The following COL27A1 variants were observed in gnomAD, a reference collection of about 807,000 sequenced individuals.
COL27A1 encodes collagen type XXVII alpha 1 chain, also known as collagen alpha-1(XXVII) chain.
COL27A1 carries 106 observed loss-of-function variants against 251.3 expected under a neutral mutation model. The observed-to-expected ratio is 0.42, with a 90% confidence interval of 0.36 to 0.50. The LOEUF is 0.50. Ranked by LOEUF, COL27A1 falls within the 20% of genes least tolerant of loss-of-function variation. The pLI is 0.00. For missense variants in COL27A1, 2,325 were observed against 2,522.8 expected (o/e 0.92, Z 1.68); for synonymous variants, 1,000 against 986.3 (o/e 1.01, Z -0.26).
chr9:114,195,910 G>A lies in COL27A1; in HGVS notation c.2071-49G>A, dbSNP rs201220793. ...TCCAATTTGTAGAGTGTAGCAGAGT[G>A]TCTCTGCTCCCGTTTTCCTGCCTCA... On this transcript the variant is annotated intron_variant, in intron 6 of 60. Coordinates refer to ENST00000356083, the MANE Select transcript of COL27A1 (RefSeq NM_032888.4). 2.1e-5 allele frequency: 28 copies of A among 1,328,748 alleles called. No individual in the cohort carries two copies. The East Asian group carries it at 5.5e-4, about 26-fold the overall frequency. 82.3% of individuals were successfully genotyped at this position (1,328,748 alleles called of 1,614,324 possible). A position where few individuals can be genotyped will look rare whatever the true frequency, so the allele number is the denominator to read the frequency against.
In COL27A1 at chr9:114,275,746, C is replaced by G. The variant is rs576652277; in HGVS notation, c.3695C>G (p.Pro1232Arg). 1 of 1,548,638 alleles carries G rather than the reference C, an allele frequency of 6.5e-7. No individual in the cohort carries two copies. The highest frequency in any genetic ancestry group is 2.4e-5 in the East Asian group (1 of 40,898). The change falls in exon 37 of 61, where the codon CCC (proline) becomes CGC (arginine). Residue 1232 changes from proline to arginine, a missense_variant. Coordinates refer to ENST00000356083, the MANE Select transcript of COL27A1 (RefSeq NM_032888.4). The stretch of plus-strand genomic sequence containing the variant: ...ATGGGTGAGGACGGGCCCCCCGGCC[C>G]CCCTGGCGTCACTGGTGTCCGGGTG... Reference protein sequence around the residue: ...GLMGEDGPPGPPGVTGVRGPE... With the variant: ...GLMGEDGPPGRPGVTGVRGPE...
At chr9:114,291,305 A>G (rs546282415) in intron 48 of COL27A1, among the ~76,000 whole-genome samples, 2 of 152,320 alleles carry the variant, frequency 1.3e-5, no homozygotes, top group East Asian at 3.9e-4. Context: ...CAAGGGCTGG[A>G]CACTGAAGGG....
Position 114,245,145 on chromosome 9 carries a change from C to CTTGTT in COL27A1, c.2935-718_2935-714dup, listed in dbSNP as rs1304756994. Among the ~76,000 whole-genome samples the CTTGTT allele has an allele frequency of 2.1e-3, 153 of 74,348 alleles. 4 individuals are homozygous for CTTGTT. The highest frequency in any genetic ancestry group is 9.8e-3 in the African/African-American group (149 of 15,168). The allele number at this position is 74,348 out of a possible 152,430, so 48.8% of individuals were successfully genotyped here. ...GCCTGATGCAGTGGGAATGTGCATT[C>CTTGTT]TTGTTTTTTTTTTTTTTTTTTTTTT... On this transcript the variant is annotated intron_variant, in intron 23 of 60. Transcript: ENST00000356083.
Position 114,284,730 on chromosome 9 carries a change from A to C in COL27A1, c.3940A>C (p.Lys1314Gln). The change falls in exon 41 of 61, where the codon AAA becomes CAA. Residue 1314 changes from lysine (K) to glutamine (Q), a missense_variant. Transcript: ENST00000356083. ...EPGLAGYDGH[K>Q]GIVGPLGPPG... ...CCTTCTTGTTTGCCTGCAGGGACAC[A>C]AAGGCATTGTGGGACCCCTTGGACC... 2 of 1,614,194 alleles carry C rather than the reference A, an allele frequency of 1.2e-6. No individual in the cohort carries two copies. Among genetic ancestry groups the C allele is most frequent in the South Asian group, 1.1e-5 (1 of 91,082 alleles).
intron 43 of COL27A1, 46 bp downstream of exon 43, chr9:114,288,801 G>A (rs1171154126): frequency 5.0e-6 from 8 of 1,602,858 alleles, no homozygotes; most frequent in Non-Finnish European, 6.8e-6. Context: ...GGCATGTCAG[G>A]GAGAGGGGGG....
intron 16 of COL27A1, among the ~76,000 whole-genome samples, chr9:114,235,375 A>T (rs2135451774): frequency 6.6e-6 from 1 of 152,326 alleles, no homozygotes; most frequent in East Asian, 1.9e-4. Context: ...ATTTTCAGCC[A>T]TCCGAGCAGC....
At chr9:114,235,959 T>G (rs1832366485) in intron 17 of COL27A1, among the ~76,000 whole-genome samples, 2 of 152,080 alleles carry the variant, frequency 1.3e-5, no homozygotes, top group Non-Finnish European at 2.9e-5. Context: ...TGGCTCCCTA[T>G]TGCTCTCAGA....
chr9:114,300,178 C>T, intron 50 of COL27A1, 55 bp downstream of exon 50: 2 of 1,514,934 alleles, frequency 1.3e-6, no homozygotes, highest in South Asian at 2.3e-5. Flanking sequence ...TCACCCCATT[C>T]ATTCATTTAT....
rs1372702706 is a variant in COL27A1, at chr9:114,219,915, C to T, written c.2421+71C>T. On this transcript the variant is annotated intron_variant, in intron 13 of 60. Coordinates refer to ENST00000356083, the MANE Select transcript of COL27A1 (RefSeq NM_032888.4). ...ACACACAGCAGATTTTAGGAGCCCA[C>T]GCTTTAGGGTCAGACAGACCTGGGT... 26 of 1,174,108 alleles carry T rather than the reference C, an allele frequency of 2.2e-5. 1 individual carries two copies. Among genetic ancestry groups the T allele is most frequent in the East Asian group, 1.4e-4 (6 of 42,880 alleles). 72.7% of individuals were successfully genotyped at this position (1,174,108 alleles called of 1,614,324 possible).
At chr9:114,207,168 A>G (rs549605494) in intron 10 of COL27A1, among the ~76,000 whole-genome samples, 6 of 152,320 alleles carry the variant, frequency 3.9e-5, no homozygotes, top group African/African-American at 1.4e-4. Context: ...CTCGGTCAGG[A>G]CAGATCACGT....
At position 114,168,595 on chromosome 9, in the gene COL27A1, C is replaced by G. The variant is rs562109049; in HGVS notation, c.1040C>G (p.Thr347Arg). Residue 347 changes from threonine (T) to arginine (R), a missense_variant, in exon 3 of 61, where the codon ACG becomes AGG. By Grantham distance (71) the Thr-to-Arg change is moderately conservative. This residue lies in a region of COL27A1 where 1,183 missense variants were observed against 1,144.1 expected (regional missense o/e 1.03). Transcript: ENST00000356083. The stretch of plus-strand genomic sequence containing the variant: ...GCCTCTGTTGGCGGCTCTACCAGAA[C>G]GCCTCGCCCTGCGGCCGCTCAACCA... ...LPASVGGSTR[T>R]PRPAAAQPSQ... 6.8e-6 allele frequency: 11 copies of G among 1,613,992 alleles called. No homozygotes were observed. The highest frequency in any genetic ancestry group is 9.3e-6 in the Non-Finnish European group (11 of 1,179,988).
At chr9:114,225,835 G>T (rs556416086) in intron 14 of COL27A1, among the ~76,000 whole-genome samples, 1 of 152,212 alleles carries the variant, frequency 6.6e-6, no homozygotes, top group Admixed American at 6.5e-5. Context: ...GAGGAAGGGC[G>T]TGAGAGGACA....
intron 4 of COL27A1, among the ~76,000 whole-genome samples, chr9:114,182,613 G>A (rs184073391): frequency 6.6e-6 from 1 of 152,178 alleles, no homozygotes; most frequent in African/African-American, 2.4e-5. Context: ...GGGAAGGGCT[G>A]ACGGGGCTAG....
Position 114,300,138 on chromosome 9 carries a change from G to A in COL27A1, c.4638+15G>A, listed in dbSNP as rs1588893914. On this transcript the variant is annotated intron_variant, in intron 50 of 60. Coordinates refer to ENST00000356083, the MANE Select transcript of COL27A1 (RefSeq NM_032888.4). Reference sequence around the variant, plus strand: ...TCGGACCCAAGGTATGGACTCCCACGGCTCACTGTTCCTGTGGGGTCCCAT... The same window carrying A: ...TCGGACCCAAGGTATGGACTCCCACAGCTCACTGTTCCTGTGGGGTCCCAT... The A allele has an allele frequency of 3.1e-6, 5 of 1,612,732 alleles. No homozygotes were observed. The East Asian group carries it at 6.7e-5, about 22-fold the overall frequency.
intron 27 of COL27A1, 35 bp from the exon 28 acceptor site, chr9:114,258,506 A>C: frequency 6.2e-7 from 1 of 1,601,640 alleles, no homozygotes; most frequent in Non-Finnish European, 8.5e-7. Flanking sequence ...ACTTCCTAAA[A>C]AGGGGCCTCT....
At chr9:114,165,823 T>C in intron 2 of COL27A1, among the ~76,000 whole-genome samples, 1 of 100,134 alleles carries the variant, frequency 1.0e-5, no homozygotes, top group African/African-American at 4.0e-5. Context: ...AGCCAGGCAT[T>C]ATTTATCCAT....
intron 12 of COL27A1, among the ~76,000 whole-genome samples, chr9:114,216,609 A>G (rs377463270): frequency 2.6e-5 from 4 of 152,290 alleles, no homozygotes; most frequent in African/African-American, 7.2e-5. Context: ...GGTGGTGAAC[A>G]TCAAGAACGT....
Position 114,231,847 on chromosome 9 carries a change from C to T in COL27A1, c.2546C>T (p.Pro849Leu), listed in dbSNP as rs1831981077. 1 of 1,614,006 alleles carries T rather than the reference C, an allele frequency of 6.2e-7. No individual in the cohort carries two copies. The highest frequency in any genetic ancestry group is 1.3e-5 in the African/African-American group (1 of 74,908). The part of the protein sequence containing the change: ...MKGLMGSVGE[P>L]GLKGDKGEQG... ...GGACTGATGGGCAGCGTGGGGGAGC[C>T]CGGACTGAAAGGTGATAAGGTGATC... The change falls in exon 16 of 61, where the codon CCC becomes CTC. Residue 849 changes from proline to leucine, a missense_variant. Transcript: ENST00000356083.
rs368526681 is a variant in COL27A1 at position 114,231,104 on chromosome 9, T to G, written c.2492T>G (p.Ile831Ser). Reference protein sequence around the residue: ...LIGDLGVLGPIGYPGPKGMKG... With the variant: ...LIGDLGVLGPSGYPGPKGMKG... ...GGTGACTTAGGAGTGTTGGGTCCGA[T>G]TGGCTACCCGGGACCCAAGGGCATG... The change falls in exon 15 of 61, where the codon ATT (isoleucine) becomes AGT (serine). Residue 831 changes from isoleucine to serine, a missense_variant. Around this residue, in one of 4 missense-constraint regions of COL27A1, gnomAD observed 1,183 missense variants for 1,144.1 expected, o/e 1.03. Coordinates refer to ENST00000356083, the MANE Select transcript of COL27A1 (RefSeq NM_032888.4). 1 of 1,613,470 alleles carries G rather than the reference T, an allele frequency of 6.2e-7. No individual in the cohort carries two copies.
Sources: gnomAD v4.1 joint callset for allele counts (sites outside exome capture counted in the v4.1 genomes callset) on GRCh38, gnomAD v4.1.1 for gene constraint, gnomAD v4.1.1 regional missense constraint, MANE v1.5 for transcripts, NCBI Gene and HGNC (gene_info 2026-07-23, HGNC 2026-07-21) for gene names.